Variants in MPP7 observed in about 807,000 individuals in gnomAD.
The protein encoded by MPP7 is MAGUK p55 subfamily member 7.
MPP7 carries 60 observed loss-of-function variants against 76.5 expected under a neutral mutation model. The ratio of observed to expected loss-of-function variants is 0.78; its 90% CI spans 0.64 to 0.97. The LOEUF is 0.97. Among genes scored for constraint, MPP7 ranks in the 50% least tolerant of loss-of-function variants. MPP7 has a pLI of 0.00. For missense variants in MPP7, 641 were observed against 694.0 expected, an observed-to-expected ratio of 0.92 and a Z score of 0.86; for synonymous variants, 237 against 244.5, an observed-to-expected ratio of 0.97 and a Z score of 0.29.
intron 5 of MPP7, among the ~76,000 whole-genome samples, chr10:28,137,401 A>G (rs1368593086): frequency 6.6e-6 from 1 of 152,242 alleles, no homozygotes; most frequent in Non-Finnish European, 1.5e-5. Flanking sequence ...AGAGGAATAA[A>G]GAACACTGGG....
chr10:28,054,132 A>G lies in MPP7; in HGVS notation c.1664T>C (p.Leu555Pro), dbSNP rs369775608. Residue 555 changes from leucine (L) to proline (P), a missense_variant, in exon 17 of 17, where the codon CTC becomes CCC. Coordinates refer to ENST00000683449, the MANE Select transcript of MPP7 (RefSeq NM_001318170.2). ...NDDLTVAFNE[L>P]KTTFDKLETE... Reference sequence around the variant, plus strand: ...CTCTAATTTGTCAAAAGTTGTTTTGAGCTCATTGAATGCCACAGTGAGGTC... The same window carrying G: ...CTCTAATTTGTCAAAAGTTGTTTTGGGCTCATTGAATGCCACAGTGAGGTC... 6.8e-6 allele frequency: 11 copies of G among 1,613,562 alleles called. No homozygotes were observed. The highest frequency in any genetic ancestry group is 8.5e-6 in the Non-Finnish European group (10 of 1,179,696).
intron 1 of MPP7, among the ~76,000 whole-genome samples, chr10:28,287,228 G>GT (rs1175141417): frequency 7.9e-5 from 12 of 152,224 alleles, no homozygotes; most frequent in African/African-American, 2.9e-4. Flanking sequence ...TGGAAAAATT[G>GT]TATCTGCCAC....
intron 2 of MPP7, among the ~76,000 whole-genome samples, chr10:28,204,737 A>G (rs1837893335): frequency 6.6e-6 from 1 of 152,266 alleles, no homozygotes; most frequent in Non-Finnish European, 1.5e-5. Flanking sequence ...TTCATATGGC[A>G]GCATTTAGCC....
chr10:28,055,443 G>A (rs1394618429), intron 16 of MPP7, among the ~76,000 whole-genome samples: 1 of 152,048 alleles, frequency 6.6e-6, no homozygotes, highest in Non-Finnish European at 1.5e-5. Context: ...ATTAAGAGGG[G>A]CAAGAAAAAA....
intron 1 of MPP7, among the ~76,000 whole-genome samples, chr10:28,268,609 G>A (rs1430112779): frequency 6.6e-6 from 1 of 151,930 alleles, no homozygotes; most frequent in Non-Finnish European, 1.5e-5. Context: ...GTGCACACCT[G>A]TAATCCCAGC....
rs759040651 is a variant in MPP7 at position 28,056,472 on chromosome 10, A to C, written c.1551+8T>G. Reference sequence around the variant, plus strand: ...CCACACCTGGCCCCCAAGCATCATTATACTTACTGTGAAGGGTTTTGCAGC... The same window carrying C: ...CCACACCTGGCCCCCAAGCATCATTCTACTTACTGTGAAGGGTTTTGCAGC... On this transcript the variant is annotated splice_region_variant and intron_variant, in intron 16 of 16. Transcript: ENST00000683449. The C allele has an allele frequency of 1.2e-6, 2 of 1,610,738 alleles. No homozygotes were observed. Among genetic ancestry groups the C allele is most frequent in the Non-Finnish European group, 1.7e-6 (2 of 1,179,266 alleles).
intron 2 of MPP7, among the ~76,000 whole-genome samples, chr10:28,315,791 G>A (rs1444433453): frequency 3.9e-5 from 6 of 152,100 alleles, no homozygotes; most frequent in Non-Finnish European, 8.8e-5. Flanking sequence ...ACACAGAAAG[G>A]TGGGGCGGGG....
intron 3 of MPP7, among the ~76,000 whole-genome samples, chr10:28,183,789 C>CA (rs879741198): frequency 7.4e-4 from 111 of 149,478 alleles, no homozygotes; most frequent in East Asian, 3.1e-3. Flanking sequence ...GAATCTATCT[C>CA]AAAAAAAAAC....
intron 11 of MPP7, among the ~76,000 whole-genome samples, chr10:28,093,620 T>C (rs955980442): frequency 1.3e-5 from 2 of 152,006 alleles, no homozygotes; most frequent in Non-Finnish European, 1.5e-5. Context: ...CTAATTTTTG[T>C]ATTTTTAGTA....
chr10:28,152,703 T>C (rs1042030518), intron 3 of MPP7, among the ~76,000 whole-genome samples: 5 of 152,196 alleles, frequency 3.3e-5, no homozygotes, highest in African/African-American at 9.7e-5. Context: ...GTAGCCTTCT[T>C]CTTGGAGAAC....
intron 5 of MPP7, among the ~76,000 whole-genome samples, chr10:28,144,220 C>T (rs1363452246): frequency 6.6e-6 from 1 of 152,128 alleles, no homozygotes; most frequent in Non-Finnish European, 1.5e-5. Context: ...TATTGCATTT[C>T]TCCCATTCTA....
chr10:28,227,449 G>A (rs557225018), intron 2 of MPP7, among the ~76,000 whole-genome samples: 1 of 151,964 alleles, frequency 6.6e-6, no homozygotes, highest in Non-Finnish European at 1.5e-5. Context: ...CTACTTTTCC[G>A]GGTGCTCTCC....
At chr10:28,076,541 G>T (rs912313617) in intron 12 of MPP7, among the ~76,000 whole-genome samples, 1 of 149,902 alleles carries the variant, frequency 6.7e-6, no homozygotes, top group Non-Finnish European at 1.5e-5. Context: ...ACACATGCGC[G>T]CACACACACA....
At chr10:28,191,309 T>C (rs2607546) in intron 3 of MPP7, among the ~76,000 whole-genome samples, 1 of 152,024 alleles carries the variant, frequency 6.6e-6, no homozygotes, top group East Asian at 1.9e-4. Context: ...CATTATCTTA[T>C]TATCAAAACC....
At chr10:28,247,849 A>G (rs938200288) in intron 1 of MPP7, among the ~76,000 whole-genome samples, 1 of 152,242 alleles carries the variant, frequency 6.6e-6, no homozygotes, top group Non-Finnish European at 1.5e-5. Context: ...CTTTAAGAGC[A>G]CTGCATTGTT....
At chr10:28,273,138 G>A (rs572196032) in intron 1 of MPP7, among the ~76,000 whole-genome samples, 51 of 152,170 alleles carry the variant, frequency 3.4e-4, no homozygotes, top group African/African-American at 1.1e-3. Context: ...GGCTGGTCTC[G>A]AACTCCTAAC....
At chr10:28,108,268 C>T (rs1247218845) in intron 11 of MPP7, among the ~76,000 whole-genome samples, 1 of 152,166 alleles carries the variant, frequency 6.6e-6, no homozygotes, top group Non-Finnish European at 1.5e-5. Flanking sequence ...ATACCAAATA[C>T]AGGCTCTGGT....
At chr10:28,093,736 C>G (rs1270646711) in intron 11 of MPP7, among the ~76,000 whole-genome samples, 2 of 152,166 alleles carry the variant, frequency 1.3e-5, no homozygotes, top group Non-Finnish European at 2.9e-5. Context: ...CATGAGCCAC[C>G]ACACCCAGCC....
intron 3 of MPP7, among the ~76,000 whole-genome samples, chr10:28,169,926 T>G (rs1588879506): frequency 6.6e-6 from 1 of 152,212 alleles, no homozygotes; most frequent in Non-Finnish European, 1.5e-5. Context: ...TCCCTTATCT[T>G]GCAACGGTGA....
Sources: gnomAD v4.1 joint callset for allele counts (sites outside exome capture counted in the v4.1 genomes callset) on GRCh38, gnomAD v4.1.1 for gene constraint, MANE v1.5 for transcripts, NCBI Gene and HGNC (gene_info 2026-07-23, HGNC 2026-07-21) for gene names.